GALNT13: variants seen among roughly 807,000 people sequenced by gnomAD.
GALNT13 encodes the protein polypeptide N-acetylgalactosaminyltransferase 13, also known as UDP-GalNAc:polypeptide N-acetylgalactosaminyltransferase 13.
In GALNT13, 28 loss-of-function variants were observed where a neutral mutation model predicts 64.2. The observed-to-expected ratio is 0.44, with a 90% CI of 0.32 to 0.60. The LOEUF (loss-of-function observed/expected upper bound fraction) is 0.60, where lower values mean the gene tolerates loss of function less well. Among genes scored for constraint, GALNT13 ranks in the 20% least tolerant of loss-of-function variants. The pLI, the probability that GALNT13 is intolerant of heterozygous loss-of-function variation, is 0.05. For missense variants in GALNT13, 577 were observed against 669.8 expected, an observed-to-expected ratio of 0.86 and a Z score of 1.53; for synonymous variants, 214 against 224.6, an observed-to-expected ratio of 0.95 and a Z score of 0.42.
chr2:153,737,286 G>A, the GALNT13 span, among the ~76,000 whole-genome samples: 6 of 152,004 alleles, frequency 3.9e-5, no homozygotes, highest in East Asian at 7.7e-4. Context: ...TTAATGGTTC[G>A]ATTTTGAGGG....
At chr2:153,158,253 C>G in the GALNT13 span, among the ~76,000 whole-genome samples, 1 of 151,954 alleles carries the variant, frequency 6.6e-6, no homozygotes, top group Non-Finnish European at 1.5e-5. Context: ...ATGTTTGCCA[C>G]AAAATAATGC....
At chr2:153,608,408 T>C in the GALNT13 span, among the ~76,000 whole-genome samples, 1 of 151,990 alleles carries the variant, frequency 6.6e-6, no homozygotes, top group Non-Finnish European at 1.5e-5. Flanking sequence ...TCAAAACAGG[T>C]AGAAGATTAA....
rs566345805 is a variant in GALNT13 at position 154,230,547 on chromosome 2, G to T, written c.312-11483G>T. 2.8e-4 allele frequency among the ~76,000 whole-genome samples: 43 copies of T among 152,104 alleles called. No individual in the cohort carries two copies. The South Asian group carries it at 8.5e-3, about 30-fold the overall frequency. On this transcript the variant is annotated intron_variant, in intron 4 of 12. Transcript: ENST00000392825. ...ATATAAAACTTGCTTGCATAATACT[G>T]TAGGTTATCTCCCTCATTTTTACGT...
At chr2:153,241,104 A>G in the GALNT13 span, among the ~76,000 whole-genome samples, 22,526 of 152,094 alleles carry the variant, frequency 0.15, 2,105 homozygotes, top group Non-Finnish European at 0.21. Context: ...GTGTGTTTGT[A>G]TATGTGGAGG....
At chr2:154,244,402 A>G (rs758706456) in intron 6 of GALNT13, among the ~76,000 whole-genome samples, 1 of 152,194 alleles carries the variant, frequency 6.6e-6, no homozygotes, top group African/African-American at 2.4e-5. Flanking sequence ...TTCCAAGGCT[A>G]GAGGAGTCTT....
At chr2:153,306,674 A>G in the GALNT13 span, among the ~76,000 whole-genome samples, 383 of 152,368 alleles carry the variant, frequency 2.5e-3, no homozygotes, top group Middle Eastern at 6.8e-3. Flanking sequence ...TATTTAAAAC[A>G]TAATATTATA....
At chr2:154,200,236 T>A (rs977328090) in intron 4 of GALNT13, among the ~76,000 whole-genome samples, 1 of 152,086 alleles carries the variant, frequency 6.6e-6, no homozygotes, top group Non-Finnish European at 1.5e-5. Flanking sequence ...ATTTAACTTA[T>A]GTAATGCATA....
chr2:153,817,731 G>GT, the GALNT13 span, among the ~76,000 whole-genome samples: 6,190 of 152,128 alleles, frequency 0.041, 174 homozygotes, highest in East Asian at 0.13. Context: ...TCATTGAATA[G>GT]TTATTTTCTT....
chr2:153,823,987 A>G, the GALNT13 span, among the ~76,000 whole-genome samples: 1 of 152,324 alleles, frequency 6.6e-6, no homozygotes, highest in African/African-American at 2.4e-5. Context: ...AAAAGAAGGC[A>G]TGCAAGTGAA....
chr2:153,755,118 C>T, the GALNT13 span, among the ~76,000 whole-genome samples: 4 of 152,156 alleles, frequency 2.6e-5, no homozygotes, highest in Admixed American at 2.0e-4. Flanking sequence ...CTCTTCAGTA[C>T]CTCTTTCAGT....
chr2:153,531,052 TAAAA>T, the GALNT13 span, among the ~76,000 whole-genome samples: 4 of 152,230 alleles, frequency 2.6e-5, no homozygotes, highest in Non-Finnish European at 5.9e-5. Flanking sequence ...CATATCAAGT[TAAAA>T]AACTTCTGTA....
the GALNT13 span, among the ~76,000 whole-genome samples, chr2:153,516,546 G>T: frequency 6.6e-6 from 1 of 152,056 alleles, no homozygotes; most frequent in Non-Finnish European, 1.5e-5. Context: ...GGAAGAGAGG[G>T]AATTTCCTGT....
chr2:154,333,959 A>G (rs1302538838), intron 9 of GALNT13, among the ~76,000 whole-genome samples: 2 of 152,026 alleles, frequency 1.3e-5, no homozygotes, highest in South Asian at 2.1e-4. Flanking sequence ...CTATTTCTAC[A>G]ATTGTCGTAA....
chr2:154,225,164 A>G (rs889602737), intron 4 of GALNT13, among the ~76,000 whole-genome samples: 1 of 95,740 alleles, frequency 1.0e-5, no homozygotes, highest in Non-Finnish European at 2.6e-5. Context: ...GATAGATGAT[A>G]GATAGATAGA....
chr2:154,083,049 T>TA (rs1199080795), intron 3 of GALNT13, among the ~76,000 whole-genome samples: 11 of 151,964 alleles, frequency 7.2e-5, no homozygotes, highest in Admixed American at 6.6e-4. Flanking sequence ...TTTTAGGTCT[T>TA]ACATTTAGGC....
chr2:153,356,059 C>T, the GALNT13 span, among the ~76,000 whole-genome samples: 14 of 152,186 alleles, frequency 9.2e-5, no homozygotes, highest in African/African-American at 3.4e-4. Flanking sequence ...CAAATTAATT[C>T]ATGTTTGTTG....
chr2:153,337,333 C>T, the GALNT13 span, among the ~76,000 whole-genome samples: 1 of 152,166 alleles, frequency 6.6e-6, no homozygotes, highest in Non-Finnish European at 1.5e-5. Flanking sequence ...TACTCCTGTA[C>T]TAAACATTTT....
At chr2:153,806,927 T>C in the GALNT13 span, among the ~76,000 whole-genome samples, 1 of 152,052 alleles carries the variant, frequency 6.6e-6, no homozygotes, top group South Asian at 2.1e-4. Flanking sequence ...GAAAAAAAAT[T>C]ATAATGAAAC....
At chr2:154,391,113 A>G (rs185420237) in intron 9 of GALNT13, among the ~76,000 whole-genome samples, 1 of 152,192 alleles carries the variant, frequency 6.6e-6, no homozygotes, top group East Asian at 1.9e-4. Flanking sequence ...TCTTACTTCT[A>G]TATTGGTGTC....
Sources: gnomAD v4.1 joint callset for allele counts (sites outside exome capture counted in the v4.1 genomes callset) on GRCh38, gnomAD v4.1.1 for gene constraint, MANE v1.5 for transcripts, NCBI Gene and HGNC (gene_info 2026-07-23, HGNC 2026-07-21) for gene names.